ZNF729: variants seen among roughly 807,000 people sequenced by gnomAD.
ZNF729 encodes the protein zinc finger protein 729.
A neutral mutation model predicts 12.2 loss-of-function variants in ZNF729; 15 were observed. The ratio of observed to expected loss-of-function variants is 1.23; its 90% CI spans 0.82 to 1.89. The LOEUF (loss-of-function observed/expected upper bound fraction) is 1.89, where lower values mean the gene tolerates loss of function less well. Among genes scored for constraint, ZNF729 ranks in the 40% most tolerant of loss-of-function variants. The probability of loss-of-function intolerance (pLI) is 0.00; values close to 1 mark genes in which losing one functional copy is unlikely to be tolerated. For missense variants in ZNF729, 1,540 were observed against 1,456.7 expected (o/e 1.06, Z -0.93); for synonymous variants, 492 against 476.3 (o/e 1.03, Z -0.43).
At chr19:22,303,166 A>G (rs750508162) in intron 1 of ZNF729, among the ~76,000 whole-genome samples, 27 of 150,628 alleles carry the variant, frequency 1.8e-4, no homozygotes, top group South Asian at 6.3e-4. Flanking sequence ...GCATATATCT[A>G]TCTTTGGAAA....
Position 22,314,403 on chromosome 19 carries a change from T to G in ZNF729, c.986T>G (p.Phe329Cys). Residue 329 changes from phenylalanine (F) to cysteine (C), a missense_variant, in exon 4 of 4, where the codon TTT becomes TGT. Physicochemically the swap from Phe to Cys is radical, Grantham distance 205. Transcript: ENST00000601693. ...PYKCEDCGKT[F>C]NHFSALRKHK... ...AAATGTGAAGATTGTGGCAAAACTT[T>G]TAACCATTTCTCAGCCCTTAGAAAA... 1.9e-6 allele frequency: 3 copies of G among 1,591,626 alleles called. No homozygotes were observed. The highest frequency in any genetic ancestry group is 4.5e-5 in the East Asian group (2 of 44,506).
intron 1 of ZNF729, among the ~76,000 whole-genome samples, 164 bp from the exon 2 acceptor site, chr19:22,303,594 A>G (rs868685189): frequency 1.3e-5 from 2 of 152,232 alleles, no homozygotes; most frequent in African/African-American, 4.8e-5. Context: ...AGACTACATT[A>G]GATAATATTT....
At chr19:22,294,304 A>G (rs1968195287) in intron 1 of ZNF729, among the ~76,000 whole-genome samples, 2 of 151,024 alleles carry the variant, frequency 1.3e-5, no homozygotes, top group South Asian at 4.2e-4. Context: ...TGGGCTCTCT[A>G]TTCTGTTGCA....
Position 22,303,762 on chromosome 19 carries a change from C to T in ZNF729, c.35C>T (p.Pro12Leu). 4 of 1,557,820 alleles carry T rather than the reference C, an allele frequency of 2.6e-6. No homozygotes were observed. Among genetic ancestry groups the T allele is most frequent in the Non-Finnish European group, 3.5e-6 (4 of 1,147,272 alleles). Residue 12 changes from proline (P) to leucine (L), a missense_variant, in exon 2 of 4, where the codon CCA (proline) becomes CTA (leucine). Transcript: ENST00000601693. ...GTCTTTCGTTGTGTTTTTCAGGGAC[C>T]ATTGACATTTAGAGATGTGACCATA... ...PGAPGSLEMG[P>L]LTFRDVTIEF... is the part of the protein sequence containing the mutation.
Position 22,314,397 on chromosome 19 carries a change from A to G in ZNF729, c.980A>G (p.Lys327Arg), listed in dbSNP as rs181908200. The change falls in exon 4 of 4, where the codon AAA becomes AGA. Residue 327 changes from lysine (K) to arginine (R), a missense_variant. Transcript: ENST00000601693. ...CCCTACAAATGTGAAGATTGTGGCA[A>G]AACTTTTAACCATTTCTCAGCCCTT... ...EKPYKCEDCG[K>R]TFNHFSALRK... The G allele has an allele frequency of 8.4e-3, 13,047 of 1,560,432 alleles. 352 individuals are homozygous for G. Among genetic ancestry groups the G allele is most frequent in the South Asian group, 0.03 (2,607 of 85,708 alleles).
At chr19:22,307,946 G>A (rs1422272227) in intron 3 of ZNF729, among the ~76,000 whole-genome samples, 1 of 151,436 alleles carries the variant, frequency 6.6e-6, no homozygotes, top group Non-Finnish European at 1.5e-5. Context: ...TGATTTGTGG[G>A]AGTTTTATGC....
In ZNF729 at chr19:22,315,308, G is replaced by C; in HGVS notation, c.1891G>C (p.Glu631Gln). The change falls in exon 4 of 4, where the codon GAA (glutamate) becomes CAA (glutamine). Residue 631 changes from glutamate (E) to glutamine (Q), a missense_variant. Coordinates refer to ENST00000601693, the MANE Select transcript of ZNF729 (RefSeq NM_001242680.2). ...IHTGKKPYKC[E>Q]ECGKAFRQSS... The stretch of plus-strand genomic sequence containing the variant: ...TACTGGGAAGAAACCGTACAAATGT[G>C]AAGAATGTGGCAAAGCTTTTAGGCA... 1 of 1,613,354 alleles carries C rather than the reference G, an allele frequency of 6.2e-7. No individual in the cohort carries two copies. The highest frequency in any genetic ancestry group is 8.5e-7 in the Non-Finnish European group (1 of 1,179,732).
At position 22,316,891 on chromosome 19, in the gene ZNF729, A is replaced by G. The variant is rs534606264; in HGVS notation, c.3474A>G (p.Lys1158=). 1,794 of 1,613,072 alleles carry G rather than the reference A, an allele frequency of 1.1e-3. 2 individuals carry two copies. Among genetic ancestry groups the G allele is most frequent in the Admixed American group, 1.6e-3 (94 of 60,026 alleles). The change falls in exon 4 of 4, where the codon AAA becomes AAG. Residue 1158 remains lysine (K), a synonymous_variant. Transcript: ENST00000601693. The part of the protein sequence containing the change: ...TKHKIIHSVE[K]PYKCEECGKA... ...ATAAGATAATTCATTCTGTAGAGAA[A>G]CCCTACAAATGTGAAGAATGTGGCA...
At chr19:22,306,155 T>A (rs1282869988) in intron 3 of ZNF729, among the ~76,000 whole-genome samples, 1 of 152,056 alleles carries the variant, frequency 6.6e-6, no homozygotes, top group Non-Finnish European at 1.5e-5. Context: ...GAAATAAAGT[T>A]TTGCACTGGG....
chr19:22,315,113 C>T lies in ZNF729; in HGVS notation c.1696C>T (p.His566Tyr), dbSNP rs1262802351. 1 of 1,610,888 alleles carries T rather than the reference C, an allele frequency of 6.2e-7. No homozygotes were observed. The highest frequency in any genetic ancestry group is 8.5e-7 in the Non-Finnish European group (1 of 1,179,566). Residue 566 changes from histidine to tyrosine, a missense_variant, in exon 4 of 4, where the codon CAT becomes TAT. Physicochemically the swap from His to Tyr is moderately conservative, Grantham distance 83. Coordinates refer to ENST00000601693, the MANE Select transcript of ZNF729 (RefSeq NM_001242680.2). ...SSKLTVHKVI[H>Y]TGEKPCKCEE... ...AAAACTTACTGTACATAAGGTAATT[C>T]ATACTGGAGAGAAACCCTGCAAATG...
At chr19:22,294,947 G>T (rs1341605029) in intron 1 of ZNF729, among the ~76,000 whole-genome samples, 1 of 151,766 alleles carries the variant, frequency 6.6e-6, no homozygotes, top group South Asian at 2.1e-4. Context: ...ATGAGCTACC[G>T]TGCCTGGCCG....
At chr19:22,291,994 A>C (rs2145040852) in intron 1 of ZNF729, among the ~76,000 whole-genome samples, 1 of 152,308 alleles carries the variant, frequency 6.6e-6, no homozygotes, top group South Asian at 2.1e-4. Context: ...AGCCTCTCAA[A>C]GTGCTGGGAT....
intron 1 of ZNF729, among the ~76,000 whole-genome samples, chr19:22,292,401 T>C (rs1257461780): frequency 6.6e-6 from 1 of 152,198 alleles, no homozygotes; most frequent in African/African-American, 2.4e-5. Flanking sequence ...CAGTATTCCA[T>C]GATGTTTATG....
In ZNF729 at chr19:22,316,609, T is replaced by C. The variant is rs1568578926; in HGVS notation, c.3192T>C (p.Thr1064=). 1.2e-6 allele frequency: 2 copies of C among 1,612,768 alleles called. No homozygotes were observed. The highest frequency in any genetic ancestry group is 1.3e-5 in the African/African-American group (1 of 74,750). Residue 1064 remains threonine, a synonymous_variant, in exon 4 of 4, where the codon ACT becomes ACC. Transcript: ENST00000601693. ...GKAFKWSSKL[T]EHKVIHTGEK... is the part of the protein sequence containing the mutation. ...CTTTTAAGTGGTCCTCAAAACTTAC[T>C]GAACATAAGGTAATTCATACTGGAG... is the stretch of plus-strand genomic sequence containing the variant.
chr19:22,316,938 AC>A lies in ZNF729; in HGVS notation c.3523del (p.Thr1176LeufsTer43), dbSNP rs1390654730. 6.2e-7 allele frequency: 1 copy of A among 1,612,410 alleles called. No individual in the cohort carries two copies. Among genetic ancestry groups the A allele is most frequent in the African/African-American group, 1.3e-5 (1 of 74,696 alleles). On this transcript the variant is annotated frameshift_variant, in exon 4 of 4. Transcript: ENST00000601693. LOFTEE classifies it low-confidence loss of function (END_TRUNC). ...ECGKAFNQSS[H>X]LTRHKTIHTG... ...GGCAAAGCCTTTAACCAGTCCTCAC[AC>A]CTTACTAGACACAAAACAATTCATA... is the stretch of plus-strand genomic sequence containing the variant.
rs1367492650 is a variant in ZNF729 at position 22,316,910 on chromosome 19, T to A, written c.3493T>A (p.Cys1165Ser). 3 of 1,613,002 alleles carry A rather than the reference T, an allele frequency of 1.9e-6. No individual in the cohort carries two copies. The highest frequency in any genetic ancestry group is 2.7e-5 in the African/African-American group (2 of 74,912). ...SVEKPYKCEE[C>S]GKAFNQSSHL... ...AGAGAAACCCTACAAATGTGAAGAA[T>A]GTGGCAAAGCCTTTAACCAGTCCTC... Residue 1165 changes from cysteine (C) to serine (S), a missense_variant, in exon 4 of 4, where the codon TGT (cysteine) becomes AGT (serine). Transcript: ENST00000601693.
intron 1 of ZNF729, among the ~76,000 whole-genome samples, chr19:22,287,673 T>A (rs1011340758): frequency 3.6e-5 from 5 of 137,508 alleles, no homozygotes; most frequent in Non-Finnish European, 6.3e-5. Context: ...GAGGACTGAT[T>A]TTTTTTTTTT....
At chr19:22,303,965 T>C (rs1446641489) in intron 2 of ZNF729, 81 bp downstream of exon 2, 3 of 1,398,514 alleles carry the variant, frequency 2.1e-6, no homozygotes, top group Non-Finnish European at 2.9e-6. Context: ...GTTTTGGTGA[T>C]TTATGCTTAC....
intron 1 of ZNF729, among the ~76,000 whole-genome samples, chr19:22,288,254 A>G (rs1272084198): frequency 3.3e-5 from 5 of 150,350 alleles, no homozygotes; most frequent in African/African-American, 9.8e-5. Flanking sequence ...AATATTTCCT[A>G]TGAGAAGAAA....
Sources: allele counts gnomAD v4.1 joint callset (sites outside exome capture counted in the v4.1 genomes callset), GRCh38; gene constraint gnomAD v4.1.1; transcripts MANE v1.5; gene names NCBI Gene and HGNC (gene_info 2026-07-23, HGNC 2026-07-21).